The following DMXL1 variants were observed in gnomAD, a reference collection of about 807,000 sequenced individuals.
DMXL1 encodes dmX-like protein 1.
In DMXL1, 99 loss-of-function variants were observed where a neutral mutation model predicts 319.2. The ratio of observed to expected loss-of-function variants is 0.31; its 90% CI spans 0.26 to 0.37. The LOEUF (loss-of-function observed/expected upper bound fraction) is 0.37, where lower values mean the gene tolerates loss of function less well. Among genes scored for constraint, DMXL1 ranks in the 10% least tolerant of loss-of-function variants. DMXL1 has a pLI of 1.00. For missense variants in DMXL1, 3,745 were observed against 3,595.6 expected, an observed-to-expected ratio of 1.04 and a Z score of -1.06; for synonymous variants, 1,385 against 1,235.2, an observed-to-expected ratio of 1.12 and a Z score of -2.54.
At chr5:119,164,923 T>C (rs1233264068) in intron 20 of DMXL1, among the ~76,000 whole-genome samples, 2 of 152,132 alleles carry the variant, frequency 1.3e-5, no homozygotes, top group African/African-American at 4.8e-5. Flanking sequence ...CAAAATAATA[T>C]ATATGTTTAG....
intron 1 of DMXL1, among the ~76,000 whole-genome samples, chr5:119,083,444 A>G (rs560098797): frequency 6.6e-6 from 1 of 152,194 alleles, no homozygotes; most frequent in Non-Finnish European, 1.5e-5. Context: ...GTGCTGCAAA[A>G]ACATGGGCAC....
chr5:119,105,993 A>G (rs1344758581), intron 4 of DMXL1, among the ~76,000 whole-genome samples: 1 of 152,208 alleles, frequency 6.6e-6, no homozygotes, highest in African/African-American at 2.4e-5. Flanking sequence ...GATGGCTTAA[A>G]ACATCCATCA....
In DMXL1 at chr5:119,247,713, C is replaced by G. The variant is rs751535235; in HGVS notation, c.*494C>G. ...TAATGAACATCTTCATTAAAATTGT[C>G]ATTGAGACGTCAGTGATAAATGAGC... On this transcript the variant is annotated 3_prime_UTR_variant, in exon 44 of 44. Transcript: ENST00000539542. 6.5e-6 allele frequency: 1 copy of G among 152,878 alleles called. No individual in the cohort carries two copies. The highest frequency in any genetic ancestry group is 2.1e-4 in the South Asian group (1 of 4,876). 9.5% of individuals were successfully genotyped at this position (152,878 alleles called of 1,614,324 possible). A position where few individuals can be genotyped will look rare whatever the true frequency, so the allele number is the denominator to read the frequency against.
chr5:119,184,191 G>A (rs995436465), intron 28 of DMXL1, among the ~76,000 whole-genome samples: 1 of 152,124 alleles, frequency 6.6e-6, no homozygotes, highest in South Asian at 2.1e-4. Context: ...AAGTAGCTGG[G>A]ACTATAGGTG....
At chr5:119,072,425 A>C (rs117960365) in intron 1 of DMXL1, among the ~76,000 whole-genome samples, 1 of 152,124 alleles carries the variant, frequency 6.6e-6, no homozygotes, top group Non-Finnish European at 1.5e-5. Flanking sequence ...TATCTACATA[A>C]ATTTATAATG....
chr5:119,185,800 G>A (rs1581210064), intron 28 of DMXL1, among the ~76,000 whole-genome samples: 1 of 151,932 alleles, frequency 6.6e-6, no homozygotes, highest in Admixed American at 6.6e-5. Context: ...ACTGTGCCTG[G>A]CCAGACTTTT....
At chr5:119,092,813 A>G (rs1288186107) in intron 1 of DMXL1, among the ~76,000 whole-genome samples, 2 of 152,176 alleles carry the variant, frequency 1.3e-5, no homozygotes, top group African/African-American at 4.8e-5. Flanking sequence ...AAGTTCATCC[A>G]TGTTCTAGCA....
At chr5:119,233,139 G>T (rs1272712863) in intron 38 of DMXL1, among the ~76,000 whole-genome samples, 1 of 152,048 alleles carries the variant, frequency 6.6e-6, no homozygotes, top group Non-Finnish European at 1.5e-5. Context: ...CGTATTTGAG[G>T]ATGTGTTCTT....
rs1776026709 is a variant in DMXL1 at position 119,177,467 on chromosome 5, C to T, written c.6869C>T (p.Ser2290Leu). The T allele has an allele frequency of 1.9e-6, 3 of 1,602,186 alleles. No homozygotes were observed. In the South Asian group the frequency reaches 3.4e-5, roughly 18 times the overall value. Residue 2290 changes from serine (S) to leucine (L), a missense_variant, in exon 27 of 44, where the codon TCA becomes TTA. By Grantham distance (145) the Ser-to-Leu change is moderately radical (BLOSUM62 -2). Transcript: ENST00000539542. ...GATGAAGCATTAACTCCCAATACGT[C>T]ACCAGCTCAATGGCCAGGTATAATT... ...SLDEALTPNT[S>L]PAQWPGITCL...
In DMXL1 at chr5:119,150,266, A is replaced by G. The variant is rs763646587; in HGVS notation, c.4439A>G (p.Tyr1480Cys). ...GACCTTTCACAGTACAGTCCGACTT[A>G]CTTTGGACCTGAGCATGCTCAGGTT... ...VIDLSQYSPT[Y>C]FGPEHAQVLS... The change falls in exon 18 of 44, where the codon TAC becomes TGC. Residue 1480 changes from tyrosine to cysteine, a missense_variant. This residue lies in a region of DMXL1 where 2,096 missense variants were observed against 1,985.4 expected (regional missense o/e 1.06). Transcript: ENST00000539542. 24 of 1,613,738 alleles carry G rather than the reference A, an allele frequency of 1.5e-5. No homozygotes were observed. The highest frequency in any genetic ancestry group is 1.9e-5 in the Non-Finnish European group (23 of 1,179,828).
intron 32 of DMXL1, among the ~76,000 whole-genome samples, chr5:119,198,240 C>T (rs911024964): frequency 2.6e-5 from 4 of 152,140 alleles, no homozygotes; most frequent in East Asian, 1.9e-4. Flanking sequence ...CCACCTGCCT[C>T]GGCCTCCCAA....
intron 38 of DMXL1, among the ~76,000 whole-genome samples, chr5:119,226,416 G>A (rs1369075113): frequency 6.6e-6 from 1 of 152,068 alleles, no homozygotes; most frequent in Admixed American, 6.6e-5. Flanking sequence ...TCTTTCCTTG[G>A]AATAGATCTT....
Position 119,167,731 on chromosome 5 carries a change from T to C in DMXL1, c.5265T>C (p.Pro1755=). 3 of 1,613,762 alleles carry C rather than the reference T, an allele frequency of 1.9e-6. No homozygotes were observed. The highest frequency in any genetic ancestry group is 2.5e-6 in the Non-Finnish European group (3 of 1,179,758). The change falls in exon 23 of 44, where the codon CCT becomes CCC. Residue 1755 remains proline, a synonymous_variant. Coordinates refer to ENST00000539542, the MANE Select transcript of DMXL1 (RefSeq NM_001290321.3). ...LRKKVLGIDS[P]VSELCSLNIN... ...AAAAAGTTTTGGGAATCGATTCTCC[T>C]GTCAGTGAACTGTGTTCATTGAACA... is the stretch of plus-strand genomic sequence containing the variant.
At chr5:119,171,737 G>A (rs753508045) in intron 24 of DMXL1, 41 bp from the exon 25 acceptor site, 1 of 1,513,776 alleles carries the variant, frequency 6.6e-7, no homozygotes, top group South Asian at 1.3e-5. Context: ...GTTTGTAACT[G>A]TAAATAGTTG....
At chr5:119,117,212 CG>C (rs928510681) in intron 7 of DMXL1, among the ~76,000 whole-genome samples, 8 of 151,834 alleles carry the variant, frequency 5.3e-5, no homozygotes, top group African/African-American at 1.9e-4. Flanking sequence ...TTTTTCTTTT[CG>C]GATTTTTTGT....
chr5:119,175,185 G>T, intron 25 of DMXL1, 76 bp from the exon 26 acceptor site: 4 of 1,077,550 alleles, frequency 3.7e-6, no homozygotes, highest in Admixed American at 2.6e-5. Context: ...TAAAAATGCT[G>T]ATTATATTAG....
At chr5:119,122,098 C>A (rs1580827920) in intron 9 of DMXL1, among the ~76,000 whole-genome samples, 3 of 141,758 alleles carry the variant, frequency 2.1e-5, no homozygotes, top group African/African-American at 5.2e-5. Flanking sequence ...CTGACCCCCC[C>A]ACCTCCCTCC....
intron 3 of DMXL1, 86 bp downstream of exon 3, chr5:119,102,092 T>C (rs901767915): frequency 1.2e-6 from 1 of 809,582 alleles, no homozygotes; most frequent in Non-Finnish European, 2.0e-6. Flanking sequence ...ATTGAGTAAA[T>C]CGGTATTACT....
At chr5:119,083,871 A>T (rs972337960) in intron 1 of DMXL1, among the ~76,000 whole-genome samples, 1 of 152,030 alleles carries the variant, frequency 6.6e-6, no homozygotes, top group South Asian at 2.1e-4. Context: ...GCATACAGTT[A>T]TCTGTAGTGG....
Sources: gnomAD v4.1 joint callset for allele counts (sites outside exome capture counted in the v4.1 genomes callset) on GRCh38, gnomAD v4.1.1 for gene constraint, gnomAD v4.1.1 regional missense constraint, MANE v1.5 for transcripts, NCBI Gene and HGNC (gene_info 2026-07-23, HGNC 2026-07-21) for gene names.